Variants in FBXL17 observed in about 807,000 individuals in gnomAD.
The protein encoded by FBXL17 is F-box and leucine rich repeat protein 17, also known as F-box/LRR-repeat protein 17.
Under a neutral mutation model 66.2 loss-of-function variants are expected in FBXL17, and 22 were observed. The ratio of observed to expected loss-of-function variants is 0.33; its 90% CI spans 0.24 to 0.47. The LOEUF (loss-of-function observed/expected upper bound fraction) is 0.47, where lower values mean the gene tolerates loss of function less well. Among genes scored for constraint, FBXL17 ranks in the 20% least tolerant of loss-of-function variants. FBXL17 has a pLI of 1.00. For missense variants in FBXL17, 878 were observed against 948.2 expected (o/e 0.93, Z 0.97); for synonymous variants, 474 against 400.5 (o/e 1.18, Z -2.19).
intron 6 of FBXL17, among the ~76,000 whole-genome samples, chr5:108,115,975 T>C: frequency 6.6e-6 from 1 of 152,220 alleles, no homozygotes; most frequent in South Asian, 2.1e-4. Context: ...TGACTGTTTT[T>C]GTTTGTTTTT....
At chr5:107,989,444 C>T (rs1753146455) in intron 7 of FBXL17, among the ~76,000 whole-genome samples, 1 of 152,016 alleles carries the variant, frequency 6.6e-6, no homozygotes, top group Non-Finnish European at 1.5e-5. Flanking sequence ...TTCCTAGTTC[C>T]AACCATGTTT....
At chr5:108,329,814 A>G (rs1022325001) in intron 4 of FBXL17, among the ~76,000 whole-genome samples, 4 of 152,232 alleles carry the variant, frequency 2.6e-5, no homozygotes, top group African/African-American at 9.6e-5. Flanking sequence ...CTCTTAAAAC[A>G]CAGTATACAA....
intron 7 of FBXL17, among the ~76,000 whole-genome samples, chr5:107,883,070 CTCAT>C (rs1748843649): frequency 6.6e-6 from 1 of 152,140 alleles, no homozygotes; most frequent in Admixed American, 6.5e-5. Flanking sequence ...TATTTCTTAA[CTCAT>C]TCGTTTATTT....
At chr5:107,912,079 G>C (rs1477698787) in intron 7 of FBXL17, among the ~76,000 whole-genome samples, 1 of 152,034 alleles carries the variant, frequency 6.6e-6, no homozygotes, top group Non-Finnish European at 1.5e-5. Context: ...AGTATAAATC[G>C]ATGTAGCCAA....
intron 4 of FBXL17, among the ~76,000 whole-genome samples, chr5:108,326,267 C>T (rs1358583322): frequency 6.6e-6 from 1 of 151,902 alleles, no homozygotes; most frequent in African/African-American, 2.4e-5. Context: ...ACTCTTATAA[C>T]ATGTAAGAAG....
chr5:108,250,491 ATTGTG>A (rs1164657863), intron 4 of FBXL17, among the ~76,000 whole-genome samples: 1 of 152,094 alleles, frequency 6.6e-6, no homozygotes, highest in Admixed American at 6.6e-5. Flanking sequence ...TGAAAACATA[ATTGTG>A]TTGTGTTTTA....
chr5:107,973,036 A>C (rs946008708), intron 7 of FBXL17, among the ~76,000 whole-genome samples: 3 of 152,120 alleles, frequency 2.0e-5, no homozygotes, highest in Admixed American at 2.0e-4. Flanking sequence ...CCTGGCACCC[A>C]CACTTTCTCT....
chr5:108,143,642 T>C (rs1328279459), intron 6 of FBXL17, among the ~76,000 whole-genome samples: 1 of 146,054 alleles, frequency 6.8e-6, no homozygotes, highest in East Asian at 2.1e-4. Context: ...GAAAGTCACA[T>C]CCAATAAACC....
chr5:107,924,635 ACCCAGCAT>A (rs1750440201), intron 7 of FBXL17, among the ~76,000 whole-genome samples: 1 of 152,198 alleles, frequency 6.6e-6, no homozygotes, highest in South Asian at 2.1e-4. Flanking sequence ...CTATCAATGT[ACCCAGCAT>A]CTTTATACTC....
intron 7 of FBXL17, among the ~76,000 whole-genome samples, chr5:107,907,750 A>G (rs2112541919): frequency 6.6e-6 from 1 of 152,304 alleles, no homozygotes; most frequent in Middle Eastern, 3.4e-3. Context: ...ATAAGATACC[A>G]TCTCACACCA....
intron 7 of FBXL17, among the ~76,000 whole-genome samples, chr5:107,974,945 C>G (rs1362765037): frequency 6.6e-6 from 1 of 152,004 alleles, no homozygotes; most frequent in Non-Finnish European, 1.5e-5. Flanking sequence ...TACAATTCTC[C>G]CCATTTAGTT....
intron 4 of FBXL17, among the ~76,000 whole-genome samples, chr5:108,339,061 T>C (rs1746705736): frequency 6.6e-6 from 1 of 152,114 alleles, no homozygotes; most frequent in African/African-American, 2.4e-5. Flanking sequence ...AAAAAGTGCA[T>C]CCTATTACCC....
At chr5:108,103,938 C>T (rs924334392) in intron 6 of FBXL17, among the ~76,000 whole-genome samples, 1 of 152,224 alleles carries the variant, frequency 6.6e-6, no homozygotes, top group African/African-American at 2.4e-5. Context: ...CCTTTTCCCT[C>T]ATTTTACAAA....
chr5:108,070,997 T>G (rs1003046114), intron 6 of FBXL17, among the ~76,000 whole-genome samples: 8 of 152,210 alleles, frequency 5.3e-5, no homozygotes, highest in African/African-American at 1.9e-4. Flanking sequence ...ACACTTTCAT[T>G]TTTAAAACCA....
chr5:108,109,219 G>A (rs1749935983), intron 6 of FBXL17, among the ~76,000 whole-genome samples: 1 of 152,094 alleles, frequency 6.6e-6, no homozygotes, highest in African/African-American at 2.4e-5. Context: ...CCAAAATATG[G>A]TACCTTGGCA....
At chr5:108,327,986 G>A (rs989754928) in intron 4 of FBXL17, among the ~76,000 whole-genome samples, 2 of 152,050 alleles carry the variant, frequency 1.3e-5, no homozygotes, top group African/African-American at 4.8e-5. Flanking sequence ...CAAGATCCAA[G>A]GAGCTTAAAT....
chr5:108,014,975 G>A (rs1263012663), intron 7 of FBXL17, among the ~76,000 whole-genome samples: 1 of 152,020 alleles, frequency 6.6e-6, no homozygotes, highest in Non-Finnish European at 1.5e-5. Context: ...ACAGTATAGG[G>A]GAAACTGCCA....
At chr5:108,073,087 A>G (rs1748403416) in intron 6 of FBXL17, among the ~76,000 whole-genome samples, 1 of 152,194 alleles carries the variant, frequency 6.6e-6, no homozygotes, top group Non-Finnish European at 1.5e-5. Context: ...TTTTAACAAT[A>G]TTCTACAGCA....
chr5:108,328,578 G>T (rs1319622277), intron 4 of FBXL17, among the ~76,000 whole-genome samples: 1 of 151,992 alleles, frequency 6.6e-6, no homozygotes, highest in East Asian at 1.9e-4. Flanking sequence ...TGAAAATAGG[G>T]ACAGATACAC....
Sources: gnomAD v4.1 joint callset for allele counts (sites outside exome capture counted in the v4.1 genomes callset) on GRCh38, gnomAD v4.1.1 for gene constraint, MANE v1.5 for transcripts, NCBI Gene and HGNC (gene_info 2026-07-23, HGNC 2026-07-21) for gene names.